STARD9: variants seen among roughly 807,000 people sequenced by gnomAD.
STARD9 encodes the protein stAR-related lipid transfer protein 9.
In STARD9, 346 loss-of-function variants were observed where a neutral mutation model predicts 399.8. The ratio of observed to expected loss-of-function variants is 0.87; its 90% CI spans 0.79 to 0.95. STARD9 has a LOEUF of 0.95. Ranked by LOEUF, STARD9 falls within the 40% of genes least tolerant of loss-of-function variation. STARD9 has a pLI of 0.00. For missense variants in STARD9, 5,832 were observed against 5,667.5 expected, an observed-to-expected ratio of 1.03 and a Z score of -0.93; for synonymous variants, 2,203 against 2,143.5, an observed-to-expected ratio of 1.03 and a Z score of -0.77.
rs568433090 is a variant in STARD9, at chr15:42,675,786, C to T, written c.1770+40C>T. 8.5e-5 allele frequency: 130 copies of T among 1,533,664 alleles called. No homozygotes were observed. In the African/African-American group the frequency reaches 1.3e-3, roughly 15 times the overall value. On this transcript the variant is annotated intron_variant, in intron 19 of 32. Coordinates refer to ENST00000290607, the MANE Select transcript of STARD9 (RefSeq NM_020759.3). ...GTTTTCTAGGTTATTGCTGGCCTCC[C>T]TGTTTCCACCTTTTAGATGAAAAGC...
chr15:42,670,335 T>G (rs1249053292), intron 16 of STARD9: 2 of 152,188 alleles, frequency 1.3e-5, no homozygotes, highest in East Asian at 3.9e-4. Context: ...AGAAAAAGAT[T>G]AAAGTTAAAG....
At position 42,689,873 on chromosome 15, in the gene STARD9, G is replaced by T. The variant is rs780260047; in HGVS notation, c.8295G>T (p.Pro2765=). 2.0e-6 allele frequency: 3 copies of T among 1,537,458 alleles called. No homozygotes were observed. The highest frequency in any genetic ancestry group is 2.0e-5 in the Admixed American group (1 of 51,002). The change falls in exon 23 of 33, where the codon CCG becomes CCT. Residue 2765 remains proline (P), a synonymous_variant. Coordinates refer to ENST00000290607, the MANE Select transcript of STARD9 (RefSeq NM_020759.3). The stretch of plus-strand genomic sequence containing the variant: ...TGCATGAGCTAAGTCAGTCAGTTCC[G>T]CAGGAGACTGCAGAGGGCATACCCC... ...VTLHELSQSV[P]QETAEGIPPG...
At chr15:42,680,117 A>G (rs1293722553) in intron 20 of STARD9, among the ~76,000 whole-genome samples, 1 of 152,168 alleles carries the variant, frequency 6.6e-6, no homozygotes, top group Admixed American at 6.5e-5. Flanking sequence ...GGGTGCCCAT[A>G]CAGTTGGCTC....
At chr15:42,708,529 C>G (rs1198943678) in intron 26 of STARD9, among the ~76,000 whole-genome samples, 1 of 152,198 alleles carries the variant, frequency 6.6e-6, no homozygotes, top group Non-Finnish European at 1.5e-5. Flanking sequence ...TATTTCATCT[C>G]TCCTGGAGCC....
intron 9 of STARD9, among the ~76,000 whole-genome samples, chr15:42,659,675 G>A (rs576966852): frequency 1.3e-5 from 2 of 152,164 alleles, no homozygotes; most frequent in East Asian, 1.9e-4. Flanking sequence ...ACAGGTGCCC[G>A]CCACCACGCT....
Position 42,691,035 on chromosome 15 carries a change from A to G in STARD9, c.9457A>G (p.Ser3153Gly). The G allele has an allele frequency of 6.5e-7, 1 of 1,537,250 alleles. No individual in the cohort carries two copies. Among genetic ancestry groups the G allele is most frequent in the Non-Finnish European group, 8.7e-7 (1 of 1,146,906 alleles). Residue 3153 changes from serine (S) to glycine (G), a missense_variant, in exon 23 of 33, where the codon AGC becomes GGC. Ser to Gly is a moderately conservative substitution (Grantham distance 56, BLOSUM62 0). Around this residue, in one of 2 missense-constraint regions of STARD9, gnomAD observed 5,828 missense variants for 5,651.1 expected, o/e 1.03. Coordinates refer to ENST00000290607, the MANE Select transcript of STARD9 (RefSeq NM_020759.3). Reference protein sequence around the residue: ...TLDLSEGSAESKLVVEPQHEC... With the variant: ...TLDLSEGSAEGKLVVEPQHEC... ...GGATTTAAGTGAAGGGTCTGCTGAGAGCAAGTTGGTGGTAGAGCCACAGCA... is the reference window on the plus strand; with the variant it reads ...GGATTTAAGTGAAGGGTCTGCTGAGGGCAAGTTGGTGGTAGAGCCACAGCA...
chr15:42,668,901 A>G (rs1418715097), intron 15 of STARD9, among the ~76,000 whole-genome samples: 1 of 152,236 alleles, frequency 6.6e-6, no homozygotes, highest in East Asian at 1.9e-4. Context: ...ATACATGTTC[A>G]TTGCAGAAAA....
Position 42,638,020 on chromosome 15 carries a change from GT to G in STARD9, c.385-5del, listed in dbSNP as rs776066404. 4.6e-6 allele frequency: 7 copies of G among 1,537,350 alleles called. No homozygotes were observed. In the South Asian group the frequency reaches 7.1e-5, roughly 16 times the overall value. On this transcript the variant is annotated splice_region_variant and splice_polypyrimidine_tract_variant and intron_variant, in intron 5 of 32. Coordinates refer to ENST00000290607, the MANE Select transcript of STARD9 (RefSeq NM_020759.3). The stretch of plus-strand genomic sequence containing the variant: ...CAATGAAACCCCAACCCTCTGGTTT[GT>G]GCAGGGTCTCTTCGTCAGGGAGAAA...
intron 1 of STARD9, among the ~76,000 whole-genome samples, chr15:42,578,776 C>G (rs1218311528): frequency 6.6e-6 from 1 of 152,134 alleles, no homozygotes; most frequent in African/African-American, 2.4e-5. Flanking sequence ...CATTGGAGAT[C>G]CAGCTTATTC....
rs2060666704 is a variant in STARD9 at position 42,690,531 on chromosome 15, GAGCCTTTCA to G, written c.8956_8964del (p.Pro2986_Lys2988del). ...TTTTAGAGATGGTGACCTAGGGAAG[GAGCCTTTCA>G]AGGCTGCCCCACATACTATCCACCC... On this transcript the variant is annotated inframe_deletion, in exon 23 of 33. Coordinates refer to ENST00000290607, the MANE Select transcript of STARD9 (RefSeq NM_020759.3). The G allele has an allele frequency of 1.3e-6, 2 of 1,537,152 alleles. No homozygotes were observed. Among genetic ancestry groups the G allele is most frequent in the Non-Finnish European group, 1.7e-6 (2 of 1,146,884 alleles).
intron 15 of STARD9, among the ~76,000 whole-genome samples, chr15:42,668,376 A>ATT (rs5812230): frequency 1.2e-4 from 17 of 143,642 alleles, no homozygotes; most frequent in African/African-American, 2.5e-4. Context: ...GCTAAATCTA[A>ATT]TTTTTTTTTT....
intron 9 of STARD9, among the ~76,000 whole-genome samples, chr15:42,656,526 C>A (rs1298548629): frequency 6.6e-6 from 1 of 151,994 alleles, no homozygotes; most frequent in Non-Finnish European, 1.5e-5. Flanking sequence ...AAGATACTTG[C>A]ACATGCATGT....
At chr15:42,608,837 A>G (rs1413065150) in intron 3 of STARD9, among the ~76,000 whole-genome samples, 2 of 152,250 alleles carry the variant, frequency 1.3e-5, no homozygotes, top group Non-Finnish European at 2.9e-5. Context: ...GATTGGGGGA[A>G]ACCTAAAGAA....
chr15:42,679,333 C>T (rs1177925526), intron 20 of STARD9, among the ~76,000 whole-genome samples: 1 of 152,214 alleles, frequency 6.6e-6, no homozygotes, highest in East Asian at 1.9e-4. Context: ...CTATCCTGAG[C>T]CTCCACATAA....
intron 3 of STARD9, among the ~76,000 whole-genome samples, chr15:42,606,141 A>G (rs1010033522): frequency 1.4e-4 from 22 of 152,206 alleles, no homozygotes; most frequent in African/African-American, 5.1e-4. Flanking sequence ...TACTGTATTG[A>G]GTACTTATCA....
Position 42,695,764 on chromosome 15 carries a change from T to G in STARD9, c.13168T>G (p.Leu4390Val), listed in dbSNP as rs751839708. 3.3e-6 allele frequency: 5 copies of G among 1,537,246 alleles called. No homozygotes were observed. The Admixed American group carries it at 7.8e-5, about 24-fold the overall frequency. ...LLKEEDKLHT[L>V]ANSSSLCTSS... ...CCAGGAAGAGGATAAACTACATACC[T>G]TGGCCAATTCCAGCTCCCTGTGCAC... is the stretch of plus-strand genomic sequence containing the variant. Residue 4390 changes from leucine (L) to valine (V), a missense_variant, in exon 26 of 33, where the codon TTG (leucine) becomes GTG (valine). Physicochemically the swap from Leu to Val is conservative, Grantham distance 32. This residue lies in a region of STARD9 where 5,828 missense variants were observed against 5,651.1 expected (regional missense o/e 1.03). Transcript: ENST00000290607.
chr15:42,616,133 A>G (rs1275650891), intron 3 of STARD9, among the ~76,000 whole-genome samples: 1 of 152,218 alleles, frequency 6.6e-6, no homozygotes, highest in Non-Finnish European at 1.5e-5. Context: ...TCATTTAATA[A>G]TGGCCATGTG....
chr15:42,620,326 A>T (rs1225529258), intron 3 of STARD9, among the ~76,000 whole-genome samples: 2 of 151,882 alleles, frequency 1.3e-5, no homozygotes, highest in Non-Finnish European at 2.9e-5. Flanking sequence ...ACAGAAAATT[A>T]AAAAATTAGC....
chr15:42,629,794 A>G (rs1447234302), intron 3 of STARD9: 1 of 151,780 alleles, frequency 6.6e-6, no homozygotes, highest in Non-Finnish European at 1.5e-5. Context: ...TTCCTTGTGT[A>G]CCCAGTTTCT....
Sources: gnomAD v4.1 joint callset for allele counts (sites outside exome capture counted in the v4.1 genomes callset) on GRCh38, gnomAD v4.1.1 for gene constraint, gnomAD v4.1.1 regional missense constraint, MANE v1.5 for transcripts, NCBI Gene and HGNC (gene_info 2026-07-23, HGNC 2026-07-21) for gene names.